The following GARNL3 variants were observed in gnomAD, a reference collection of about 807,000 sequenced individuals.
The protein encoded by GARNL3 is GTPase activating Rap/RanGAP domain like 3, also known as GTPase-activating Rap/Ran-GAP domain-like protein 3.
A neutral mutation model predicts 125.0 loss-of-function variants in GARNL3; 63 were observed. The ratio of observed to expected loss-of-function variants is 0.50; its 90% CI spans 0.41 to 0.62. The LOEUF is 0.62. Among genes scored for constraint, GARNL3 ranks in the 20% least tolerant of loss-of-function variants. The pLI is 0.00. For missense variants in GARNL3, 994 were observed against 1,244.0 expected, an observed-to-expected ratio of 0.80 and a Z score of 3.02; for synonymous variants, 439 against 457.5, an observed-to-expected ratio of 0.96 and a Z score of 0.52.
Position 127,385,276 on chromosome 9 carries a change from AT to A in GARNL3, c.2388+132del, listed in dbSNP as rs1450142575. 1 of 550,952 alleles carries A rather than the reference AT, an allele frequency of 1.8e-6. No individual in the cohort carries two copies. Among genetic ancestry groups the A allele is most frequent in the African/African-American group, 1.9e-5 (1 of 52,412 alleles). The allele number at this position is 550,952 out of a possible 1,614,324, so 34.1% of individuals were successfully genotyped here. ...ACCGGTGTCAGAATGCCAGCACGAG[AT>A]GGAAAGCCTGAAACCAGACTGATCT... On this transcript the variant is annotated intron_variant, in intron 24 of 27. Transcript: ENST00000373387. The surrounding 1 kb of genome is among the most constrained non-coding windows in gnomAD (Gnocchi z 4.1).
intron 2 of GARNL3, chr9:127,300,443 A>G: frequency 4.8e-6 from 2 of 414,546 alleles, no homozygotes; most frequent in South Asian, 1.8e-5. Context: ...GACCCTCATT[A>G]ATTCCAGCTT....
At chr9:127,374,927 A>C (rs1831814047) in intron 22 of GARNL3, among the ~76,000 whole-genome samples, 1 of 149,460 alleles carries the variant, frequency 6.7e-6, no homozygotes, top group African/African-American at 2.4e-5. Flanking sequence ...AAAAAAAAAC[A>C]ACAAAGAAAA....
intron 22 of GARNL3, among the ~76,000 whole-genome samples, chr9:127,377,772 A>AAC (rs1218750780): frequency 2.0e-5 from 3 of 150,332 alleles, no homozygotes; most frequent in East Asian, 2.0e-4. Flanking sequence ...CAGCCTGGGC[A>AAC]AAAGAACCAG....
At chr9:127,312,060 AT>A (rs1396526842) in intron 3 of GARNL3, among the ~76,000 whole-genome samples, 1 of 152,210 alleles carries the variant, frequency 6.6e-6, no homozygotes, top group East Asian at 1.9e-4. Flanking sequence ...TAACAAGGCA[AT>A]TGCCCTGTCT....
intron 1 of GARNL3, among the ~76,000 whole-genome samples, chr9:127,275,720 G>A (rs1313063294): frequency 6.6e-6 from 1 of 152,198 alleles, no homozygotes; most frequent in African/African-American, 2.4e-5. Flanking sequence ...GGCTCATGGT[G>A]TCACACTGCC....
chr9:127,386,124 A>G (rs1297147330), intron 24 of GARNL3, among the ~76,000 whole-genome samples: 2 of 152,244 alleles, frequency 1.3e-5, no homozygotes, highest in Non-Finnish European at 2.9e-5. Context: ...TTGTATCCAT[A>G]GCCAACCTAC....
At chr9:127,283,685 A>AAATTT (rs1468999865) in intron 1 of GARNL3, among the ~76,000 whole-genome samples, 1 of 151,782 alleles carries the variant, frequency 6.6e-6, no homozygotes, top group African/African-American at 2.4e-5. Flanking sequence ...ATAAAAAATA[A>AAATTT]AATTTAATTT....
chr9:127,263,723 G>A (rs1261394065), upstream of GARNL3: 6 of 1,191,856 alleles, frequency 5.0e-6, no homozygotes, highest in East Asian at 1.8e-4. Context: ...ATGCATTGAT[G>A]TGTTGCCCAT....
intron 1 of GARNL3, among the ~76,000 whole-genome samples, chr9:127,241,292 G>A (rs746576051): frequency 6.6e-6 from 1 of 151,362 alleles, no homozygotes; most frequent in African/African-American, 2.4e-5. Flanking sequence ...AATCTGGGAG[G>A]TTCAAAAGAA....
chr9:127,276,868 T>C (rs1317028805), intron 1 of GARNL3, among the ~76,000 whole-genome samples: 1 of 152,260 alleles, frequency 6.6e-6, no homozygotes, highest in African/African-American at 2.4e-5. Context: ...GCTTTGTATG[T>C]GTAAACTACT....
intron 1 of GARNL3, among the ~76,000 whole-genome samples, chr9:127,225,795 T>TCCGCGGCCCGGCTCTCCCTGGCGC (rs367558671): frequency 6.7e-6 from 1 of 149,372 alleles, no homozygotes; most frequent in Non-Finnish European, 1.5e-5. Flanking sequence ...ACCTGCTGCC[T>TCCGCGGCCCGGCTCTCCCTGGCGC]CCGCGGCCCC....
upstream of GARNL3, chr9:127,263,902 TC>T: frequency 6.9e-7 from 1 of 1,451,588 alleles, no homozygotes; most frequent in South Asian, 1.4e-5. Context: ...GAGAGTCAGT[TC>T]TCTGGTTGCT....
intron 2 of GARNL3, 92 bp from the exon 3 acceptor site, chr9:127,311,544 A>G: frequency 1.2e-6 from 1 of 864,030 alleles, no homozygotes; most frequent in Non-Finnish European, 2.0e-6. Flanking sequence ...TTTAACAATG[A>G]TTTTTCTGGT....
At chr9:127,303,528 T>C in intron 2 of GARNL3, among the ~76,000 whole-genome samples, 1 of 145,046 alleles carries the variant, frequency 6.9e-6, no homozygotes, top group East Asian at 1.9e-4. Context: ...TTTGTAATTT[T>C]TTAAAAGTTT....
At chr9:127,243,780 C>T (rs1313525557) in intron 2 of GARNL3, among the ~76,000 whole-genome samples, 1 of 152,048 alleles carries the variant, frequency 6.6e-6, no homozygotes, top group Non-Finnish European at 1.5e-5. Context: ...GACTCTAAGG[C>T]CTATAGGGTG....
Position 127,333,087 on chromosome 9 carries a change from C to A in GARNL3, c.735C>A (p.Gly245=), listed in dbSNP as rs370843523. 11 of 1,613,942 alleles carry A rather than the reference C, an allele frequency of 6.8e-6. No homozygotes were observed. Among genetic ancestry groups the A allele is most frequent in the Non-Finnish European group, 7.6e-6 (9 of 1,179,934 alleles). ...NLLGDTITLK[G]WTGYRGGLDT... is the part of the protein sequence containing the mutation. ...TGGGTGACACAATCACTCTAAAGGG[C>A]TGGACGGGCTACCGTGGCGGTCTGG... Residue 245 remains glycine (G), a synonymous_variant, in exon 9 of 28, where the codon GGC becomes GGA. Coordinates refer to ENST00000373387, the MANE Select transcript of GARNL3 (RefSeq NM_032293.5).
intron 22 of GARNL3, among the ~76,000 whole-genome samples, chr9:127,381,850 C>T (rs1034593617): frequency 6.6e-6 from 1 of 151,962 alleles, no homozygotes; most frequent in African/African-American, 2.4e-5. Context: ...TGTGATCCTC[C>T]CGCCTGGGAC....
At chr9:127,281,059 C>T (rs2064089276) in intron 1 of GARNL3, among the ~76,000 whole-genome samples, 1 of 152,052 alleles carries the variant, frequency 6.6e-6, no homozygotes, top group Non-Finnish European at 1.5e-5. Context: ...AGGGTGTGAG[C>T]GAGTGACTTG....
chr9:127,391,533 A>AAAAAGAAT lies in GARNL3; in HGVS notation c.2870+767_2870+768insAAAGAATA. 1.3e-3 allele frequency among the ~76,000 whole-genome samples: 101 copies of AAAAAGAAT among 75,872 alleles called. 8 individuals are homozygous for AAAAAGAAT. The highest frequency in any genetic ancestry group is 3.8e-3 in the African/African-American group (98 of 25,514). The allele number at this position is 75,872 out of a possible 152,430, so 49.8% of individuals were successfully genotyped here. On this transcript the variant is annotated intron_variant, in intron 27 of 27. Transcript: ENST00000373387. ...GCAAGACCCATCTCTACAAAAAAAA[A>AAAAAGAAT]ATATATATATATATATATAGGCTGG...
Sources: allele counts gnomAD v4.1 joint callset (sites outside exome capture counted in the v4.1 genomes callset), GRCh38; gene constraint gnomAD v4.1.1; non-coding constraint Gnocchi (gnomAD v3.1); transcripts MANE v1.5; gene names NCBI Gene and HGNC (gene_info 2026-07-23, HGNC 2026-07-21).